SORD: variants seen among roughly 807,000 people sequenced by gnomAD.
SORD encodes the protein (R,R)-butanediol dehydrogenase.
In SORD, 18 loss-of-function variants were observed where a neutral mutation model predicts 35.6. The observed-to-expected ratio is 0.51, with a 90% CI of 0.35 to 0.75. The LOEUF is 0.75. Among genes scored for constraint, SORD ranks in the 30% least tolerant of loss-of-function variants. SORD has a pLI of 0.01. For synonymous variants in SORD, 106 were observed against 152.9 expected, an observed-to-expected ratio of 0.69 and a Z score of 2.26; for missense variants, 250 against 390.2, an observed-to-expected ratio of 0.64 and a Z score of 3.03.
intron 1 of SORD, among the ~76,000 whole-genome samples, chr15:45,028,889 TATA>T (rs1247615754): frequency 2.0e-5 from 3 of 152,250 alleles, no homozygotes; most frequent in Admixed American, 2.0e-4. Flanking sequence ...AAGCGGATGG[TATA>T]ATGAGAGGGC....
chr15:45,068,971 A>C lies in SORD; in HGVS notation c.705A>C (p.Lys235Asn), dbSNP rs1258981104. 1 of 1,607,658 alleles carries C rather than the reference A, an allele frequency of 6.2e-7. No individual in the cohort carries two copies. Residue 235 changes from lysine (K) to asparagine (N), a missense_variant, in exon 7 of 9, where the codon AAA (lysine) becomes AAC (asparagine). By Grantham distance (94) the Lys-to-Asn change is moderately conservative. Transcript: ENST00000267814. ...SKESPQEIAR[K>N]VEGQLGCKPE... ...AGAGCCCTCAGGAAATCGCCAGGAA[A>C]GTAGAAGGTCAGCTGGGGTGCAAGC...
intron 1 of SORD, among the ~76,000 whole-genome samples, chr15:45,031,559 A>G (rs1424780823): frequency 6.6e-6 from 1 of 152,252 alleles, no homozygotes; most frequent in Admixed American, 6.5e-5. Flanking sequence ...CTGTTTTTAT[A>G]CCCTGCATAG....
chr15:45,027,662 G>A (rs535007263), intron 1 of SORD, among the ~76,000 whole-genome samples: 12 of 152,364 alleles, frequency 7.9e-5, no homozygotes, highest in South Asian at 2.1e-4. Flanking sequence ...GCTTTCCACT[G>A]TATTTACCAG....
At chr15:45,027,606 G>A (rs966863657) in intron 1 of SORD, among the ~76,000 whole-genome samples, 1 of 152,246 alleles carries the variant, frequency 6.6e-6, no homozygotes, top group Non-Finnish European at 1.5e-5. Context: ...CACATGAACA[G>A]TTTTCCTAAC....
chr15:45,053,485 G>A (rs574894277), intron 3 of SORD, among the ~76,000 whole-genome samples: 1 of 152,248 alleles, frequency 6.6e-6, no homozygotes, highest in Admixed American at 6.5e-5. Flanking sequence ...AGAAGGAGGG[G>A]AAAATTAACC....
chr15:45,059,683 G>A (rs1383625679), intron 3 of SORD, among the ~76,000 whole-genome samples: 1 of 152,100 alleles, frequency 6.6e-6, no homozygotes, highest in Non-Finnish European at 1.5e-5. Flanking sequence ...TTTTTGTAAA[G>A]ATGAGGTCTT....
chr15:45,026,218 A>G (rs2141260803), intron 1 of SORD, among the ~76,000 whole-genome samples: 1 of 152,338 alleles, frequency 6.6e-6, no homozygotes, highest in African/African-American at 2.4e-5. Context: ...TAAGACAAAT[A>G]GGCTCAGTGG....
Position 45,031,337 on chromosome 15 carries a change from A to C in SORD, c.66+7988A>C, listed in dbSNP as rs541413657. Among the ~76,000 whole-genome samples the C allele has an allele frequency of 1.5e-3, 188 of 123,676 alleles. 1 individual carries two copies. Among genetic ancestry groups the C allele is most frequent in the Middle Eastern group, 0.011 (3 of 278 alleles). 81.1% of individuals were successfully genotyped at this position (123,676 alleles called of 152,430 possible). On this transcript the variant is annotated intron_variant, in intron 1 of 8. Coordinates refer to ENST00000267814, the MANE Select transcript of SORD (RefSeq NM_003104.6). ...AACAACAACAACGACAAAAAAAAAA[A>C]AACAACAGGGAATGAACCGTGGCAA... is the stretch of plus-strand genomic sequence containing the variant.
chr15:45,030,675 T>C (rs562443519), intron 1 of SORD, among the ~76,000 whole-genome samples: 3 of 152,392 alleles, frequency 2.0e-5, no homozygotes, highest in East Asian at 3.9e-4. Flanking sequence ...TGTATGGTTA[T>C]GTTCATACAC....
At chr15:45,061,824 G>A (rs1300925164) in intron 4 of SORD, among the ~76,000 whole-genome samples, 7 of 151,956 alleles carry the variant, frequency 4.6e-5, no homozygotes, top group Non-Finnish European at 7.4e-5. Flanking sequence ...AGCCGAGATG[G>A]CGCCACTGCA....
At chr15:45,026,024 AG>A (rs1184109663) in intron 1 of SORD, among the ~76,000 whole-genome samples, 2 of 152,098 alleles carry the variant, frequency 1.3e-5, no homozygotes, top group African/African-American at 4.8e-5. Flanking sequence ...CCAACACTGG[AG>A]GGGAAAGGGC....
At chr15:45,035,327 A>G (rs535710660) in intron 1 of SORD, among the ~76,000 whole-genome samples, 2 of 152,230 alleles carry the variant, frequency 1.3e-5, no homozygotes, top group Admixed American at 1.3e-4. Flanking sequence ...GAGGACCTTT[A>G]TGTCTAGCTC....
Position 45,054,498 on chromosome 15 carries a change from C to T in SORD, c.266-6569C>T, listed in dbSNP as rs1893181097. Reference sequence around the variant, plus strand: ...CCCACTTTTTGATGGGGTTGTTTGTCTTTTTCTTGTAAATTTGTTTGAGTT... The same window carrying T: ...CCCACTTTTTGATGGGGTTGTTTGTTTTTTTCTTGTAAATTTGTTTGAGTT... On this transcript the variant is annotated intron_variant, in intron 3 of 8. Coordinates refer to ENST00000267814, the MANE Select transcript of SORD (RefSeq NM_003104.6). Among the ~76,000 whole-genome samples, 3 of 152,062 alleles carry T rather than the reference C, an allele frequency of 2.0e-5. No individual in the cohort carries two copies. The South Asian group carries it at 6.2e-4, about 32-fold the overall frequency.
In SORD at chr15:45,068,169, T is replaced by G. The variant is rs752449941; in HGVS notation, c.545-12T>G. 6.2e-7 allele frequency: 1 copy of G among 1,611,264 alleles called. No individual in the cohort carries two copies. Among genetic ancestry groups the G allele is most frequent in the Non-Finnish European group, 8.5e-7 (1 of 1,177,374 alleles). The stretch of plus-strand genomic sequence containing the variant: ...TATTTCACGAACATATTCCATCTTC[T>G]GCTTTGTTTAGGGCCAATCGGGATG... On this transcript the variant is annotated splice_polypyrimidine_tract_variant and intron_variant, in intron 5 of 8. Coordinates refer to ENST00000267814, the MANE Select transcript of SORD (RefSeq NM_003104.6).
chr15:45,066,113 G>A (rs1310354171), intron 5 of SORD, among the ~76,000 whole-genome samples: 9 of 151,284 alleles, frequency 5.9e-5, no homozygotes, highest in African/African-American at 9.7e-5. Context: ...GCGTGGTGGT[G>A]CACCCCCTGT....
intron 1 of SORD, among the ~76,000 whole-genome samples, chr15:45,038,170 TCC>T (rs1892903478): frequency 1.4e-5 from 2 of 144,140 alleles, no homozygotes; most frequent in Non-Finnish European, 3.0e-5. Flanking sequence ...CTTCCTTCCT[TCC>T]TTCCTTCCTT....
At chr15:45,059,700 T>C (rs116298411) in intron 3 of SORD, among the ~76,000 whole-genome samples, 188 of 152,270 alleles carry the variant, frequency 1.2e-3, no homozygotes, top group African/African-American at 4.5e-3. Context: ...TCTTCCTATG[T>C]TGCTCTTGAA....
chr15:45,047,885 T>C (rs1893069779), intron 3 of SORD, among the ~76,000 whole-genome samples: 1 of 152,258 alleles, frequency 6.6e-6, no homozygotes, highest in Non-Finnish European at 1.5e-5. Context: ...TGGTCTCTGA[T>C]TCGCTGGTAT....
At position 45,061,000 on chromosome 15, in the gene SORD, A is replaced by G. The variant is rs2467845; in HGVS notation, c.266-67A>G. ...TTCAAAGGTTGGAAAACAAAGAACC[A>G]GACCAAAGAGCGGGCAGACTCTGCT... On this transcript the variant is annotated intron_variant, in intron 3 of 8. Coordinates refer to ENST00000267814, the MANE Select transcript of SORD (RefSeq NM_003104.6). 3.0e-4 allele frequency: 485 copies of G among 1,600,436 alleles called. 3 individuals are homozygous for G. In the African/African-American group the frequency reaches 3.8e-3, roughly 13 times the overall value.
Sources: allele counts gnomAD v4.1 joint callset (sites outside exome capture counted in the v4.1 genomes callset), GRCh38; gene constraint gnomAD v4.1.1; transcripts MANE v1.5; gene names NCBI Gene and HGNC (gene_info 2026-07-23, HGNC 2026-07-21).